The following MARCHF1 variants were observed in gnomAD, a reference collection of about 807,000 sequenced individuals.
MARCHF1 encodes the protein membrane associated ring-CH-type finger 1.
MARCHF1 carries 40 observed loss-of-function variants against 54.2 expected under a neutral mutation model. The observed-to-expected ratio is 0.74, with a 90% CI of 0.57 to 0.96. The LOEUF (loss-of-function observed/expected upper bound fraction) is 0.96, where lower values mean the gene tolerates loss of function less well. Ranked by LOEUF, MARCHF1 falls within the 40% of genes least tolerant of loss-of-function variation. MARCHF1 has a pLI of 0.00. For synonymous variants in MARCHF1, 236 were observed against 236.3 expected (o/e 1.00, Z 0.01); for missense variants, 586 against 656.5 (o/e 0.89, Z 1.17).
chr4:163,705,283 C>T (rs935788972), intron 4 of MARCHF1, among the ~76,000 whole-genome samples: 5 of 150,834 alleles, frequency 3.3e-5, no homozygotes, highest in South Asian at 2.1e-4. Flanking sequence ...ATTAACATGG[C>T]GTAAATGAAA....
chr4:163,833,821 G>A (rs1007617482), intron 4 of MARCHF1, among the ~76,000 whole-genome samples: 11 of 152,052 alleles, frequency 7.2e-5, no homozygotes, highest in Non-Finnish European at 1.5e-4. Context: ...CAATTACTGT[G>A]GAATAATGAG....
chr4:163,642,113 T>A (rs1446019493), intron 5 of MARCHF1, among the ~76,000 whole-genome samples: 1 of 152,200 alleles, frequency 6.6e-6, no homozygotes, highest in Admixed American at 6.5e-5. Context: ...TGTGACTTTG[T>A]ATTTGGATAA....
At chr4:164,308,963 TAAAAAAAAAAAAAAAGAAAGAG>T (rs1475374518) in intron 1 of MARCHF1, among the ~76,000 whole-genome samples, 1 of 124,434 alleles carries the variant, frequency 8.0e-6, no homozygotes, top group Non-Finnish European at 1.8e-5. Context: ...AAATAAAAGT[TAAAAAAAAAAAAAAAGAAAGAG>T]AAAGGAGGAT....
intron 5 of MARCHF1, among the ~76,000 whole-genome samples, chr4:163,633,569 A>G (rs1742190176): frequency 6.6e-6 from 1 of 152,184 alleles, no homozygotes; most frequent in Admixed American, 6.5e-5. Context: ...AGAAATGAGC[A>G]AAGCCTCCAA....
At chr4:163,721,195 T>G (rs954084482) in intron 4 of MARCHF1, among the ~76,000 whole-genome samples, 4 of 152,222 alleles carry the variant, frequency 2.6e-5, no homozygotes, top group African/African-American at 7.2e-5. Context: ...TATTTTGAGA[T>G]ATGTCCCATC....
At chr4:163,800,843 T>G (rs976361673) in intron 4 of MARCHF1, among the ~76,000 whole-genome samples, 14 of 152,080 alleles carry the variant, frequency 9.2e-5, no homozygotes, top group Admixed American at 6.6e-5. Flanking sequence ...GGAAAGACAC[T>G]GGGCAAGATG....
At chr4:164,177,854 G>C (rs553373317) in intron 1 of MARCHF1, among the ~76,000 whole-genome samples, 6 of 151,242 alleles carry the variant, frequency 4.0e-5, no homozygotes, top group African/African-American at 1.5e-4. Flanking sequence ...GAAAGACAGA[G>C]ACAGAGAAAG....
At position 164,352,679 on chromosome 4, in the gene MARCHF1, G is replaced by A. The variant is rs1440194676; in HGVS notation, c.-323+31191C>T. ...ATCATGCCAAAATGTAAAGACCATCGAGGCTAGGAAGAAACTGCATCAACT... is the reference window on the plus strand; with the variant it reads ...ATCATGCCAAAATGTAAAGACCATCAAGGCTAGGAAGAAACTGCATCAACT... On this transcript the variant is annotated intron_variant, in intron 1 of 9. Transcript: ENST00000514618. Among the ~76,000 whole-genome samples the A allele has an allele frequency of 4.4e-4, 66 of 150,252 alleles. 3 individuals are homozygous for A. Among genetic ancestry groups the A allele is most frequent in the East Asian group, 3.5e-3 (17 of 4,864 alleles).
At chr4:163,631,681 A>G (rs954281724) in intron 5 of MARCHF1, among the ~76,000 whole-genome samples, 4 of 152,224 alleles carry the variant, frequency 2.6e-5, no homozygotes, top group Non-Finnish European at 4.4e-5. Context: ...ATACAAGATA[A>G]AGTTTAATTA....
chr4:163,543,586 A>G (rs1247312148), intron 9 of MARCHF1, among the ~76,000 whole-genome samples: 1 of 152,144 alleles, frequency 6.6e-6, no homozygotes, highest in Non-Finnish European at 1.5e-5. Context: ...GGGGGCCTAC[A>G]GAATGAGCAA....
In MARCHF1 at chr4:163,599,728, A is replaced by C. The variant is rs369933933; in HGVS notation, c.1010+12543T>G. Among the ~76,000 whole-genome samples, 18 of 152,276 alleles carry C rather than the reference A, an allele frequency of 1.2e-4. No homozygotes were observed. The East Asian group carries it at 1.7e-3, about 15-fold the overall frequency. Reference sequence around the variant, plus strand: ...ACCTAGATGGCTAGGTCCCACTCCCAGCGTTTCTGATTCCATAGGTCTGGA... The same window carrying C: ...ACCTAGATGGCTAGGTCCCACTCCCCGCGTTTCTGATTCCATAGGTCTGGA... On this transcript the variant is annotated intron_variant, in intron 7 of 9. Coordinates refer to ENST00000514618, the MANE Select transcript of MARCHF1 (RefSeq NM_001394959.1).
intron 1 of MARCHF1, among the ~76,000 whole-genome samples, chr4:164,327,844 C>A (rs192201057): frequency 1.4e-4 from 22 of 152,268 alleles, no homozygotes; most frequent in African/African-American, 5.1e-4. Context: ...AGCTGGAAAG[C>A]TGGTGCAGCT....
intron 4 of MARCHF1, among the ~76,000 whole-genome samples, chr4:163,805,472 G>A (rs1031864083): frequency 1.3e-5 from 2 of 152,060 alleles, no homozygotes; most frequent in Admixed American, 6.6e-5. Flanking sequence ...CAAAATGGTA[G>A]CAAAGCAAAA....
chr4:164,019,716 T>C (rs141493602), intron 2 of MARCHF1, among the ~76,000 whole-genome samples: 1 of 152,234 alleles, frequency 6.6e-6, no homozygotes, highest in African/African-American at 2.4e-5. Context: ...CAAAGATAAA[T>C]ATATACTTAA....
At chr4:163,664,569 C>T (rs917579646) in intron 5 of MARCHF1, among the ~76,000 whole-genome samples, 2 of 152,020 alleles carry the variant, frequency 1.3e-5, no homozygotes, top group African/African-American at 4.8e-5. Context: ...AGGAACAAGC[C>T]AGATTCTGTA....
intron 1 of MARCHF1, among the ~76,000 whole-genome samples, chr4:164,141,339 T>A (rs1756529383): frequency 6.6e-6 from 1 of 152,222 alleles, no homozygotes; most frequent in Non-Finnish European, 1.5e-5. Flanking sequence ...GACTTTTATT[T>A]GCTTCATCTA....
rs149380432 is a variant in MARCHF1 at position 163,693,148 on chromosome 4, G to A, written c.162+7665C>T. 2.7e-4 allele frequency among the ~76,000 whole-genome samples: 41 copies of A among 151,404 alleles called. 1 individual carries two copies. The highest frequency in any genetic ancestry group is 1.5e-3 in the Admixed American group (23 of 15,188). ...TAATGAGGTCTAATGAGCAGGAAGG[G>A]CCAATAATCTGAATGCTTTGTTAGG... On this transcript the variant is annotated intron_variant, in intron 5 of 9. Transcript: ENST00000514618.
intron 7 of MARCHF1, among the ~76,000 whole-genome samples, chr4:163,588,760 G>A (rs1740489535): frequency 6.6e-6 from 1 of 152,066 alleles, no homozygotes; most frequent in Non-Finnish European, 1.5e-5. Context: ...TTGCTGCAGA[G>A]ACCATCTGGC....
chr4:164,336,134 C>T lies in MARCHF1; in HGVS notation c.-323+47736G>A, dbSNP rs189946961. Among the ~76,000 whole-genome samples, 7 of 152,210 alleles carry T rather than the reference C, an allele frequency of 4.6e-5. No homozygotes were observed. The East Asian group carries it at 1.4e-3, about 29-fold the overall frequency. On this transcript the variant is annotated intron_variant, in intron 1 of 9. Transcript: ENST00000514618. ...AGCTGTGAAAAGGAAACCTTTCTAA[C>T]CAGACCACCAAGGGGGAAAAATTGC... is the stretch of plus-strand genomic sequence containing the variant.
Sources: allele counts gnomAD v4.1 joint callset (sites outside exome capture counted in the v4.1 genomes callset), GRCh38; gene constraint gnomAD v4.1.1; transcripts MANE v1.5; gene names NCBI Gene and HGNC (gene_info 2026-07-23, HGNC 2026-07-21).